Variants in LYPD6 observed in about 807,000 individuals in gnomAD.
LYPD6 encodes the protein LY6/PLAUR domain containing 6, also known as ly6/PLAUR domain-containing protein 6.
In LYPD6, 15 loss-of-function variants were observed where a neutral mutation model predicts 22.7. That is an observed-to-expected ratio of 0.66 (90% CI 0.44 to 1.02). The LOEUF is 1.02. LYPD6 is among the 50% of genes least tolerant of loss of function. The pLI, the probability that LYPD6 is intolerant of heterozygous loss-of-function variation, is 0.00. For synonymous variants in LYPD6, 72 were observed against 77.5 expected (o/e 0.93, Z 0.37); for missense variants, 189 against 208.4 (o/e 0.91, Z 0.57).
Position 149,473,461 on chromosome 2 carries a change from A to G in LYPD6, c.*2611A>G, listed in dbSNP as rs1681389471. On this transcript the variant is annotated 3_prime_UTR_variant, in exon 5 of 5. Coordinates refer to ENST00000334166, the MANE Select transcript of LYPD6 (RefSeq NM_194317.5). ...ATTAAATTCTCCATTACATCTCAAT[A>G]TTGGTAATGGCTTAAGTGTAAAGAG... 6.6e-6 allele frequency: 1 copy of G among 152,610 alleles called. No individual in the cohort carries two copies. The highest frequency in any genetic ancestry group is 2.4e-5 in the African/African-American group (1 of 41,444). 9.5% of individuals were successfully genotyped at this position (152,610 alleles called of 1,614,324 possible). A position where few individuals can be genotyped will look rare whatever the true frequency, so the allele number is the denominator to read the frequency against.
intron 2 of LYPD6, among the ~76,000 whole-genome samples, chr2:149,444,271 T>A (rs984651453): frequency 2.0e-5 from 3 of 152,202 alleles, no homozygotes; most frequent in Admixed American, 6.5e-5. Flanking sequence ...ACTTCATTGC[T>A]AAAAATGCTA....
chr2:149,331,641 T>C (rs1040864551), intron 1 of LYPD6, among the ~76,000 whole-genome samples: 22 of 151,424 alleles, frequency 1.5e-4, no homozygotes, highest in Admixed American at 1.1e-3. Context: ...GGGGAGAGAA[T>C]TGGGTGGGGG....
chr2:149,409,235 T>C lies in LYPD6; in HGVS notation c.-71-28403T>C, dbSNP rs139116279. On this transcript the variant is annotated intron_variant, in intron 1 of 4. Coordinates refer to ENST00000334166, the MANE Select transcript of LYPD6 (RefSeq NM_194317.5). ...CTCCGGGCTGGTACTGTGTAGTGTC[T>C]GCAGAGTCCTGTGATGTATCTCATC... Among the ~76,000 whole-genome samples, 7 of 152,332 alleles carry C rather than the reference T, an allele frequency of 4.6e-5. No homozygotes were observed. In the East Asian group the frequency reaches 1.3e-3, roughly 29 times the overall value.
chr2:149,366,536 A>G (rs919853814), intron 1 of LYPD6, among the ~76,000 whole-genome samples: 1 of 152,174 alleles, frequency 6.6e-6, no homozygotes, highest in African/African-American at 2.4e-5. Context: ...ATAAACACAG[A>G]GCCAGAGAAA....
chr2:149,369,161 A>G (rs1021019685), intron 1 of LYPD6, among the ~76,000 whole-genome samples: 6 of 151,856 alleles, frequency 4.0e-5, no homozygotes, highest in African/African-American at 1.2e-4. Context: ...AGGAGGAGAA[A>G]TGAGTGGTAT....
intron 3 of LYPD6, among the ~76,000 whole-genome samples, chr2:149,466,038 A>G (rs2105179640): frequency 6.6e-6 from 1 of 152,300 alleles, no homozygotes. Context: ...CCTCATTACT[A>G]ACCCAAGGAG....
intron 1 of LYPD6, among the ~76,000 whole-genome samples, chr2:149,353,479 A>G (rs969341908): frequency 1.3e-5 from 2 of 152,156 alleles, no homozygotes; most frequent in African/African-American, 2.4e-5. Flanking sequence ...GCTGCTGTGT[A>G]ATTATGGTAG....
chr2:149,484,081 C>T, the LYPD6 span, among the ~76,000 whole-genome samples: 1,423 of 152,290 alleles, frequency 9.3e-3, 27 homozygotes, highest in African/African-American at 0.032. Context: ...TTACAACAAA[C>T]GTTAATAGAT....
At chr2:149,468,152 C>CACAA (rs1553446192) in intron 3 of LYPD6, among the ~76,000 whole-genome samples, 2 of 138,816 alleles carry the variant, frequency 1.4e-5, no homozygotes, top group Non-Finnish European at 3.0e-5. Flanking sequence ...CACACACACA[C>CACAA]ACACACACAC....
the LYPD6 span, among the ~76,000 whole-genome samples, chr2:149,480,698 C>G: frequency 6.6e-6 from 1 of 152,166 alleles, no homozygotes; most frequent in Non-Finnish European, 1.5e-5. Flanking sequence ...ACCCAGATTT[C>G]CCTTCAGGAA....
At chr2:149,419,595 C>G (rs990421555) in intron 1 of LYPD6, among the ~76,000 whole-genome samples, 7 of 152,184 alleles carry the variant, frequency 4.6e-5, no homozygotes, top group Non-Finnish European at 8.8e-5. Flanking sequence ...TATTGGACAG[C>G]TGACTTAGAC....
intron 1 of LYPD6, among the ~76,000 whole-genome samples, chr2:149,420,339 G>A (rs985766957): frequency 4.6e-5 from 7 of 152,148 alleles, no homozygotes; most frequent in Non-Finnish European, 1.0e-4. Context: ...TTCTTTTCTG[G>A]TTGCTCCATG....
rs58309346 is a variant in LYPD6 at position 149,468,132 on chromosome 2, A to AACACACACACACACAC, written c.218-472_218-457dup. On this transcript the variant is annotated intron_variant, in intron 3 of 4. Coordinates refer to ENST00000334166, the MANE Select transcript of LYPD6 (RefSeq NM_194317.5). ...CTCTTGTGAATAGCTGCTTCCCCCC[A>AACACACACACACACAC]ACACACACACACACACACACACACA... is the stretch of plus-strand genomic sequence containing the variant. Among the ~76,000 whole-genome samples, 141 of 114,714 alleles carry AACACACACACACACAC rather than the reference A, an allele frequency of 1.2e-3. 1 individual carries two copies. Among genetic ancestry groups the AACACACACACACACAC allele is most frequent in the East Asian group, 3.9e-3 (16 of 4,144 alleles). 75.3% of individuals were successfully genotyped at this position (114,714 alleles called of 152,430 possible).
chr2:149,330,557 G>C (rs1441278712), upstream of LYPD6: 1 of 150,520 alleles, frequency 6.6e-6, no homozygotes. Flanking sequence ...CGCGCCCCTA[G>C]CCGCCCCCCG....
intron 1 of LYPD6, among the ~76,000 whole-genome samples, chr2:149,343,104 A>G (rs928531267): frequency 5.9e-5 from 9 of 152,292 alleles, no homozygotes; most frequent in African/African-American, 1.9e-4. Context: ...TGCAAATTCA[A>G]GAAAGGTCCA....
chr2:149,393,832 C>G (rs1394767847), intron 1 of LYPD6, among the ~76,000 whole-genome samples: 5 of 152,160 alleles, frequency 3.3e-5, no homozygotes, highest in Non-Finnish European at 5.9e-5. Flanking sequence ...TTTCTAAGTT[C>G]TCCTGGAATC....
At position 149,434,710 on chromosome 2, in the gene LYPD6, C is replaced by T. The variant is rs1683391653; in HGVS notation, c.-71-2928C>T. Among the ~76,000 whole-genome samples, 2 of 152,122 alleles carry T rather than the reference C, an allele frequency of 1.3e-5. 1 individual carries two copies. The highest frequency in any genetic ancestry group is 4.1e-4 in the South Asian group (2 of 4,824). On this transcript the variant is annotated intron_variant, in intron 1 of 4. Transcript: ENST00000334166. ...ATGTTCCCATCCACTCCCACAGAGG[C>T]TCTCAGAACCCTCTCTGTGGCCAGG... is the stretch of plus-strand genomic sequence containing the variant.
intron 1 of LYPD6, among the ~76,000 whole-genome samples, chr2:149,358,731 A>G (rs1042922538): frequency 4.6e-5 from 7 of 152,100 alleles, no homozygotes; most frequent in Non-Finnish European, 8.8e-5. Flanking sequence ...TAGTTTTCCA[A>G]CGTTTTTGGT....
chr2:149,466,988 C>T (rs1681215553), intron 3 of LYPD6, among the ~76,000 whole-genome samples: 1 of 152,112 alleles, frequency 6.6e-6, no homozygotes, highest in African/African-American at 2.4e-5. Context: ...TAAACCAGTC[C>T]TCTTAGAAGA....
Sources: gnomAD v4.1 joint callset for allele counts (sites outside exome capture counted in the v4.1 genomes callset) on GRCh38, gnomAD v4.1.1 for gene constraint, MANE v1.5 for transcripts, NCBI Gene and HGNC (gene_info 2026-07-23, HGNC 2026-07-21) for gene names.